The following FSD2 variants were observed in gnomAD, a reference collection of about 807,000 sequenced individuals.
FSD2 encodes fibronectin type III and SPRY domain-containing protein 2.
FSD2 carries 71 observed loss-of-function variants against 80.4 expected under a neutral mutation model. The observed-to-expected ratio is 0.88, with a 90% confidence interval of 0.73 to 1.08. FSD2 has a LOEUF of 1.08. FSD2 is among the 50% of genes least tolerant of loss of function. The pLI, the probability that FSD2 is intolerant of heterozygous loss-of-function variation, is 0.00. For missense variants in FSD2, 923 were observed against 913.8 expected (o/e 1.01, Z -0.13); for synonymous variants, 361 against 329.5 (o/e 1.10, Z -1.03).
At position 82,782,876 on chromosome 15, in the gene FSD2, A is replaced by G. The variant is rs2049902018; in HGVS notation, c.885T>C (p.Cys295=). 2 of 1,613,840 alleles carry G rather than the reference A, an allele frequency of 1.2e-6. No individual in the cohort carries two copies. The highest frequency in any genetic ancestry group is 2.2e-5 in the South Asian group (2 of 91,078). Residue 295 remains cysteine, a synonymous_variant, in exon 4 of 13, where the codon TGT becomes TGC. Coordinates refer to ENST00000334574, the MANE Select transcript of FSD2 (RefSeq NM_001007122.4). The part of the protein sequence containing the change: ...LEALYGQLVS[C]GENLDTCKEL... ...CTTTGCAAGTATCTAGGTTTTCTCC[A>G]CAGCTGACCAGTTGTCCATATAAGG...
At chr15:82,793,713 C>T (rs897512218) in intron 1 of FSD2, among the ~76,000 whole-genome samples, 10 of 152,172 alleles carry the variant, frequency 6.6e-5, no homozygotes, top group Middle Eastern at 6.8e-3. Context: ...CTTCTTGGGT[C>T]TGTTTTGGGA....
intron 11 of FSD2, among the ~76,000 whole-genome samples, 174 bp downstream of exon 11, chr15:82,764,992 C>T (rs890174688): frequency 2.0e-5 from 3 of 151,992 alleles, no homozygotes; most frequent in Non-Finnish European, 2.9e-5. Context: ...CCTGCCTGAC[C>T]CCTCTTGCCC....
chr15:82,765,736 A>T (rs369559081), intron 10 of FSD2, among the ~76,000 whole-genome samples, 162 bp downstream of exon 10: 1 of 152,172 alleles, frequency 6.6e-6, no homozygotes, highest in Non-Finnish European at 1.5e-5. Context: ...TTGACTTGCA[A>T]TTAGGGCAGT....
In FSD2 at chr15:82,772,171, A is replaced by G. The variant is rs2049596581; in HGVS notation, c.1169T>C (p.Val390Ala). The change falls in exon 7 of 13, where the codon GTC becomes GCC. Residue 390 changes from valine (V) to alanine (A), a missense_variant. Physicochemically the swap from Val to Ala is moderately conservative, Grantham distance 64 (BLOSUM62 0). Coordinates refer to ENST00000334574, the MANE Select transcript of FSD2 (RefSeq NM_001007122.4). ...QVPNSATGSS[V>A]RVCWSLYSDD... ...GGAGTATAAGCTCCAGCACACTCGG[A>G]CTGAGGAACCTGTGGCTGAGTTAGG... The G allele has an allele frequency of 1.3e-5, 21 of 1,612,584 alleles. No homozygotes were observed. Among genetic ancestry groups the G allele is most frequent in the Non-Finnish European group, 1.8e-5 (21 of 1,179,466 alleles).
At chr15:82,786,670 C>A in intron 2 of FSD2, 64 bp from the exon 3 acceptor site, 1 of 1,603,770 alleles carries the variant, frequency 6.2e-7, no homozygotes, top group South Asian at 1.1e-5. Context: ...TTGTAGAAGG[C>A]GTTTTAGATT....
At chr15:82,762,319 C>G in intron 11 of FSD2, 41 bp from the exon 12 acceptor site, 1 of 1,594,486 alleles carries the variant, frequency 6.3e-7, no homozygotes, top group Non-Finnish European at 8.6e-7. Context: ...CTGGGGTGCC[C>G]CAAGCCTGGC....
intron 7 of FSD2, among the ~76,000 whole-genome samples, chr15:82,770,899 A>G (rs1200436624): frequency 6.6e-6 from 1 of 152,166 alleles, no homozygotes; most frequent in Non-Finnish European, 1.5e-5. Flanking sequence ...CACAGCCCCA[A>G]TACAATGACT....
At chr15:82,782,720 C>T in intron 4 of FSD2, 75 bp downstream of exon 4, 1 of 1,284,990 alleles carries the variant, frequency 7.8e-7, no homozygotes, top group Non-Finnish European at 1.1e-6. Context: ...CTTACCTCAA[C>T]CATAACTGTC....
intron 1 of FSD2, among the ~76,000 whole-genome samples, chr15:82,797,897 G>C (rs940362332): frequency 3.9e-5 from 6 of 151,986 alleles, no homozygotes; most frequent in African/African-American, 1.5e-4. Flanking sequence ...AGTTGTATTG[G>C]TAACTTCATC....
At chr15:82,780,347 T>TC in intron 4 of FSD2, 80 bp from the exon 5 acceptor site, 1 of 1,112,468 alleles carries the variant, frequency 9.0e-7, no homozygotes, top group Non-Finnish European at 1.3e-6. Flanking sequence ...CTTTTTTTTT[T>TC]TTTCTTAAAT....
intron 6 of FSD2, among the ~76,000 whole-genome samples, chr15:82,772,560 C>G (rs1271847502): frequency 6.6e-6 from 1 of 152,164 alleles, no homozygotes; most frequent in African/African-American, 2.4e-5. Flanking sequence ...GCAGGACAAC[C>G]GGGATCACAG....
Position 82,755,367 on chromosome 15 carries a change from A to G in FSD2, c.*3981T>C, listed in dbSNP as rs967629856. ...CAGCAAGATTAGAATCCAAGTTCATATACCAAAACATTTTTATTTGCTATG... is the reference window on the plus strand; with the variant it reads ...CAGCAAGATTAGAATCCAAGTTCATGTACCAAAACATTTTTATTTGCTATG... On this transcript the variant is annotated 3_prime_UTR_variant, in exon 13 of 13. Transcript: ENST00000334574. 3.3e-5 allele frequency: 5 copies of G among 152,210 alleles called. No homozygotes were observed. Among genetic ancestry groups the G allele is most frequent in the African/African-American group, 9.6e-5 (4 of 41,462 alleles). The allele number at this position is 152,210 out of a possible 1,614,324, so 9.4% of individuals were successfully genotyped here.
chr15:82,783,160 G>A (rs774832468), intron 3 of FSD2, 135 bp from the exon 4 acceptor site: 286 of 661,350 alleles, frequency 4.3e-4, no homozygotes, highest in Non-Finnish European at 7.0e-4. Context: ...GTACAGTAGT[G>A]TGATCTTGGC....
chr15:82,766,119 AACTC>A, intron 9 of FSD2, 88 bp from the exon 10 acceptor site: 7 of 1,416,646 alleles, frequency 4.9e-6, no homozygotes, highest in South Asian at 1.4e-5. Context: ...TGGAAGGTTT[AACTC>A]ACTCTTGCGC....
At chr15:82,802,080 C>T (rs1379359884) in intron 1 of FSD2, among the ~76,000 whole-genome samples, 1 of 152,156 alleles carries the variant, frequency 6.6e-6, no homozygotes, top group Non-Finnish European at 1.5e-5. Flanking sequence ...ACTAAGAAAC[C>T]TGTCTACCAT....
In FSD2 at chr15:82,756,961, T is replaced by A. The variant is rs1279358703; in HGVS notation, c.*2387A>T. ...TGAGGTAAATCTGTCCCTTGCTGAA[T>A]ACAGTTTCAGTAGATTGTTTATAGT... On this transcript the variant is annotated 3_prime_UTR_variant, in exon 13 of 13. Coordinates refer to ENST00000334574, the MANE Select transcript of FSD2 (RefSeq NM_001007122.4). 1 of 152,248 alleles carries A rather than the reference T, an allele frequency of 6.6e-6. No homozygotes were observed. Among genetic ancestry groups the A allele is most frequent in the Non-Finnish European group, 1.5e-5 (1 of 68,046 alleles). 9.4% of individuals were successfully genotyped at this position (152,248 alleles called of 1,614,324 possible). A position where few individuals can be genotyped will look rare whatever the true frequency, so the allele number is the denominator to read the frequency against.
chr15:82,778,728 G>A, intron 6 of FSD2, 38 bp downstream of exon 6: 1 of 1,562,420 alleles, frequency 6.4e-7, no homozygotes, highest in Non-Finnish European at 8.7e-7. Context: ...GCTCTGGGTA[G>A]TCTGAACCTG....
rs1426685426 is a variant in FSD2, at chr15:82,759,309, G to C, written c.*39C>G. The C allele has an allele frequency of 6.2e-7, 1 of 1,602,394 alleles. No individual in the cohort carries two copies. Among genetic ancestry groups the C allele is most frequent in the South Asian group, 1.1e-5 (1 of 89,450 alleles). On this transcript the variant is annotated 3_prime_UTR_variant, in exon 13 of 13. Coordinates refer to ENST00000334574, the MANE Select transcript of FSD2 (RefSeq NM_001007122.4). ...CTAAGGCGTGAGCAGCTGCGAGAGG[G>C]GTAGGCATGGAAGACAGGAAACTGG...
chr15:82,787,232 A>T lies in FSD2; in HGVS notation c.159T>A (p.Asn53Lys). 6.2e-7 allele frequency: 1 copy of T among 1,613,766 alleles called. No homozygotes were observed. Among genetic ancestry groups the T allele is most frequent in the South Asian group, 1.1e-5 (1 of 91,062 alleles). The change falls in exon 2 of 13, where the codon AAT becomes AAA. Residue 53 changes from asparagine to lysine, a missense_variant. Coordinates refer to ENST00000334574, the MANE Select transcript of FSD2 (RefSeq NM_001007122.4). The part of the protein sequence containing the change: ...MRKVVQAEMA[N>K]ESRGAGDGKA... The stretch of plus-strand genomic sequence containing the variant: ...TACCATCCCCTGCTCCTCTTGACTC[A>T]TTGGCCATTTCAGCTTGGACTACTT...
Sources: gnomAD v4.1 joint callset for allele counts (sites outside exome capture counted in the v4.1 genomes callset) on GRCh38, gnomAD v4.1.1 for gene constraint, MANE v1.5 for transcripts, NCBI Gene and HGNC (gene_info 2026-07-23, HGNC 2026-07-21) for gene names.